The following MDM2 variants were observed in gnomAD, a reference collection of about 807,000 sequenced individuals.
MDM2 encodes MDM2 proto-oncogene, also known as E3 ubiquitin-protein ligase Mdm2.
In MDM2, 11 loss-of-function variants were observed where a neutral mutation model predicts 64.3. The ratio of observed to expected loss-of-function variants is 0.17; its 90% CI spans 0.11 to 0.28. MDM2 has a LOEUF of 0.28. MDM2 is among the 10% of genes least tolerant of loss of function. The probability of loss-of-function intolerance (pLI) is 1.00; values close to 1 mark genes in which losing one functional copy is unlikely to be tolerated. For synonymous variants in MDM2, 194 were observed against 192.9 expected, an observed-to-expected ratio of 1.01 and a Z score of -0.05; for missense variants, 388 against 577.1, an observed-to-expected ratio of 0.67 and a Z score of 3.36.
chr12:68,844,705 G>A lies in MDM2; in HGVS notation c.*4856G>A, dbSNP rs1428761550. 7 of 219,974 alleles carry A rather than the reference G, an allele frequency of 3.2e-5. No homozygotes were observed. Among genetic ancestry groups the A allele is most frequent in the African/African-American group, 1.3e-4 (6 of 44,534 alleles). 13.6% of individuals were successfully genotyped at this position (219,974 alleles called of 1,614,324 possible). A position where few individuals can be genotyped will look rare whatever the true frequency, so the allele number is the denominator to read the frequency against. On this transcript the variant is annotated 3_prime_UTR_variant, in exon 11 of 11. Coordinates refer to ENST00000258149, the MANE Select transcript of MDM2 (RefSeq NM_002392.6). ...GAGCTTGTGGGCCCCTAAGCCAGAC[G>A]GGGACTAGCTTTTGGCATTATATAA...
intron 9 of MDM2, among the ~76,000 whole-genome samples, chr12:68,836,291 A>G (rs1035430349): frequency 1.3e-5 from 2 of 152,292 alleles, no homozygotes; most frequent in East Asian, 1.9e-4. Flanking sequence ...CTTACTTTCT[A>G]TAAAAGTAAA....
At position 68,809,222 on chromosome 12, in the gene MDM2, C is replaced by G; in HGVS notation, c.29C>G (p.Thr10Ser). The G allele has an allele frequency of 1.2e-6, 2 of 1,613,602 alleles. No homozygotes were observed. The highest frequency in any genetic ancestry group is 8.5e-7 in the Non-Finnish European group (1 of 1,179,766). Residue 10 changes from threonine to serine, a missense_variant, in exon 2 of 11, where the codon ACC becomes AGC. This residue lies in a region of MDM2 where 46 missense variants were observed against 45.2 expected (regional missense o/e 1.02). Coordinates refer to ENST00000258149, the MANE Select transcript of MDM2 (RefSeq NM_002392.6). MVRSRQMCN[T>S]NMSVPTDGAV... Reference sequence around the variant, plus strand: ...TTTCCTTGTAGGCAAATGTGCAATACCAACATGTCTGTACCTACTGATGGT... The same window carrying G: ...TTTCCTTGTAGGCAAATGTGCAATAGCAACATGTCTGTACCTACTGATGGT...
At chr12:68,826,086 C>G (rs1263632474) in intron 7 of MDM2, among the ~76,000 whole-genome samples, 2 of 151,926 alleles carry the variant, frequency 1.3e-5, no homozygotes, top group African/African-American at 2.4e-5. Flanking sequence ...CTTCAAATAG[C>G]AAAAAGGGCA....
chr12:68,829,952 T>A (rs1321328207), intron 8 of MDM2, among the ~76,000 whole-genome samples: 1 of 152,252 alleles, frequency 6.6e-6, no homozygotes, highest in African/African-American at 2.4e-5. Context: ...ATATTTTGTT[T>A]TGTATGTCTT....
chr12:68,834,628 T>G (rs1228977817), intron 8 of MDM2, among the ~76,000 whole-genome samples: 1 of 152,012 alleles, frequency 6.6e-6, no homozygotes, highest in African/African-American at 2.4e-5. Context: ...TCCCAGCTAC[T>G]TGGGAGGCTG....
intron 5 of MDM2, among the ~76,000 whole-genome samples, chr12:68,823,336 A>G (rs578139052): frequency 6.6e-6 from 1 of 152,206 alleles, no homozygotes; most frequent in East Asian, 1.9e-4. Flanking sequence ...AAGTCTGTAT[A>G]TCCAACTACA....
At chr12:68,837,341 C>T (rs1274830796) in intron 10 of MDM2, among the ~76,000 whole-genome samples, 1 of 151,658 alleles carries the variant, frequency 6.6e-6, no homozygotes, top group African/African-American at 2.4e-5. Flanking sequence ...AACATTTTGC[C>T]AACCTTGTCA....
chr12:68,825,416 G>A (rs1882229278), intron 7 of MDM2, among the ~76,000 whole-genome samples: 1 of 152,224 alleles, frequency 6.6e-6, no homozygotes, highest in South Asian at 2.1e-4. Context: ...CACTTTGGGA[G>A]GCCGAGGCGG....
rs565715862 is a variant in MDM2 at position 68,836,211 on chromosome 12, A to G, written c.840+227A>G. ...ATTGCCAAGAAGTCAATAGACCTCAATGAACATGCTTATTATAATGGTCTG... is the reference window on the plus strand; with the variant it reads ...ATTGCCAAGAAGTCAATAGACCTCAGTGAACATGCTTATTATAATGGTCTG... On this transcript the variant is annotated intron_variant, in intron 9 of 10. Coordinates refer to ENST00000258149, the MANE Select transcript of MDM2 (RefSeq NM_002392.6). Among the ~76,000 whole-genome samples, 6 of 152,270 alleles carry G rather than the reference A, an allele frequency of 3.9e-5. No homozygotes were observed. In the East Asian group the frequency reaches 5.8e-4, roughly 15 times the overall value.
Position 68,843,917 on chromosome 12 carries a change from G to A in MDM2, c.*4068G>A, listed in dbSNP as rs1884034345. The A allele has an allele frequency of 4.7e-6, 1 of 212,384 alleles. No homozygotes were observed. The highest frequency in any genetic ancestry group is 1.9e-4 in the South Asian group (1 of 5,348). 13.2% of individuals were successfully genotyped at this position (212,384 alleles called of 1,614,324 possible). A position where few individuals can be genotyped will look rare whatever the true frequency, so the allele number is the denominator to read the frequency against. ...TTTCAGCTAGAACCTAGTAGAATCT[G>A]TTTTTTTCCTTTGGAGGTCCTCAAA... On this transcript the variant is annotated 3_prime_UTR_variant, in exon 11 of 11. Coordinates refer to ENST00000258149, the MANE Select transcript of MDM2 (RefSeq NM_002392.6).
chr12:68,825,188 A>C (rs1168359913), intron 7 of MDM2, among the ~76,000 whole-genome samples: 1 of 152,164 alleles, frequency 6.6e-6, no homozygotes, highest in Non-Finnish European at 1.5e-5. Context: ...CAGCCTGGGT[A>C]ACCGTGTGAG....
Position 68,824,920 on chromosome 12 carries a change from G to C in MDM2, c.523+269G>C, listed in dbSNP as rs3730572. 1.0e-2 allele frequency among the ~76,000 whole-genome samples: 1,522 copies of C among 152,328 alleles called. 43 individuals are homozygous for C. Among genetic ancestry groups the C allele is most frequent in the East Asian group, 0.044 (227 of 5,178 alleles). ...CTGTTAAGATAGTAGGAGGTGGCTG[G>C]GGTGTGGTGGCTCACGCCTGGCTCA... On this transcript the variant is annotated intron_variant, in intron 7 of 10. Transcript: ENST00000258149.
intron 8 of MDM2, among the ~76,000 whole-genome samples, chr12:68,831,021 T>C (rs980635736): frequency 5.3e-5 from 8 of 152,174 alleles, no homozygotes; most frequent in African/African-American, 1.4e-4. Flanking sequence ...GTATAGTTTT[T>C]GTTAAAGTTA....
intron 8 of MDM2, among the ~76,000 whole-genome samples, chr12:68,831,817 C>A (rs766187015): frequency 6.6e-6 from 1 of 152,198 alleles, no homozygotes; most frequent in South Asian, 2.1e-4. Context: ...CCTGTAATCC[C>A]AGCACTTTGG....
rs975151807 is a variant in MDM2, at chr12:68,842,443, A to T, written c.*2594A>T. 2.3e-6 allele frequency: 1 copy of T among 444,232 alleles called. No individual in the cohort carries two copies. Among genetic ancestry groups the T allele is most frequent in the African/African-American group, 2.0e-5 (1 of 49,040 alleles). 27.5% of individuals were successfully genotyped at this position (444,232 alleles called of 1,614,324 possible). ...TTACATTTGAAAATCTCCTTTGGAGACTTAGAACCTCTAAATTATTGACTT... is the reference window on the plus strand; with the variant it reads ...TTACATTTGAAAATCTCCTTTGGAGTCTTAGAACCTCTAAATTATTGACTT... On this transcript the variant is annotated 3_prime_UTR_variant, in exon 11 of 11. Coordinates refer to ENST00000258149, the MANE Select transcript of MDM2 (RefSeq NM_002392.6).
intron 8 of MDM2, among the ~76,000 whole-genome samples, chr12:68,833,075 G>A (rs543787728): frequency 7.7e-6 from 1 of 129,984 alleles, no homozygotes; most frequent in South Asian, 2.4e-4. Flanking sequence ...GCAGTGAGCC[G>A]AGATGGTGCC....
At chr12:68,808,901 A>C in intron 1 of MDM2, 1 of 1,358,132 alleles carries the variant, frequency 7.4e-7, no homozygotes, top group Non-Finnish European at 9.4e-7. Context: ...GGGCAGGTTG[A>C]CTCAGCTTTT....
At chr12:68,834,614 G>A (rs974341715) in intron 8 of MDM2, among the ~76,000 whole-genome samples, 3 of 151,994 alleles carry the variant, frequency 2.0e-5, no homozygotes, top group Non-Finnish European at 4.4e-5. Context: ...GCATGCGCCT[G>A]TAGTCCCAGC....
chr12:68,839,342 G>T lies in MDM2; in HGVS notation c.987G>T (p.Trp329Cys), dbSNP rs1165217954. ...TTCCATCACATTGCAACAGATGTTG[G>T]GCCCTTCGTGAGAATTGGCTTCCTG... ...PPLPSHCNRC[W>C]ALRENWLPED... The change falls in exon 11 of 11, where the codon TGG becomes TGT. Residue 329 changes from tryptophan (W) to cysteine (C), a missense_variant. Coordinates refer to ENST00000258149, the MANE Select transcript of MDM2 (RefSeq NM_002392.6). 6.2e-7 allele frequency: 1 copy of T among 1,613,876 alleles called. No homozygotes were observed. Among genetic ancestry groups the T allele is most frequent in the Non-Finnish European group, 8.5e-7 (1 of 1,180,010 alleles).
Sources: gnomAD v4.1 joint callset for allele counts (sites outside exome capture counted in the v4.1 genomes callset) on GRCh38, gnomAD v4.1.1 for gene constraint, gnomAD v4.1.1 regional missense constraint, MANE v1.5 for transcripts, NCBI Gene and HGNC (gene_info 2026-07-23, HGNC 2026-07-21) for gene names.